SRPK2: variants seen among roughly 807,000 people sequenced by gnomAD.
SRPK2 encodes the protein SRSF protein kinase 2, also known as SFRS protein kinase 2.
In SRPK2, 21 loss-of-function variants were observed where a neutral mutation model predicts 90.8. That is an observed-to-expected ratio of 0.23 (90% CI 0.16 to 0.33). The LOEUF (loss-of-function observed/expected upper bound fraction) is 0.33, where lower values mean the gene tolerates loss of function less well. SRPK2 is among the 10% of genes least tolerant of loss of function. The pLI is 1.00. For synonymous variants in SRPK2, 288 were observed against 311.1 expected (o/e 0.93, Z 0.78); for missense variants, 620 against 869.0 (o/e 0.71, Z 3.60).
chr7:105,316,246 G>C (rs992090827), intron 2 of SRPK2, among the ~76,000 whole-genome samples: 1 of 152,084 alleles, frequency 6.6e-6, no homozygotes, highest in Admixed American at 6.6e-5. Flanking sequence ...TTACAGGCGA[G>C]AGCCACCGTG....
intron 2 of SRPK2, among the ~76,000 whole-genome samples, chr7:105,355,643 G>A (rs1469520354): frequency 1.3e-5 from 2 of 152,034 alleles, no homozygotes; most frequent in Non-Finnish European, 2.9e-5. Context: ...GAGAGAACCT[G>A]TCTCCAAGAA....
intron 2 of SRPK2, among the ~76,000 whole-genome samples, chr7:105,351,189 T>A (rs971700258): frequency 6.6e-6 from 1 of 152,038 alleles, no homozygotes; most frequent in Non-Finnish European, 1.5e-5. Context: ...AGACCTGAGC[T>A]AGCACACTCA....
chr7:105,142,016 A>G lies in SRPK2; in HGVS notation c.1535T>C (p.Leu512Ser). Residue 512 changes from leucine to serine, a missense_variant, in exon 11 of 16, where the codon TTG becomes TCG. This residue lies in a region of SRPK2 where 243 missense variants were observed against 245.7 expected (regional missense o/e 0.99). Transcript: ENST00000393651. ...RTVSASSTGD[L>S]PKAKTRAADL... Reference sequence around the variant, plus strand: ...TGGGAAGAAACACTTACCTTTTGGCAAATCCCCAGTACTGGAGGCTGAAAC... The same window carrying G: ...TGGGAAGAAACACTTACCTTTTGGCGAATCCCCAGTACTGGAGGCTGAAAC... 1 of 1,602,884 alleles carries G rather than the reference A, an allele frequency of 6.2e-7. No homozygotes were observed.
intron 7 of SRPK2, among the ~76,000 whole-genome samples, chr7:105,147,868 T>C (rs1937516558): frequency 1.3e-5 from 2 of 152,264 alleles, no homozygotes; most frequent in South Asian, 4.1e-4. Context: ...CAAACAGTAT[T>C]CCACTGTATG....
In SRPK2 at chr7:105,128,171, T is replaced by A. The variant is rs1030623262; in HGVS notation, c.1753-1109A>T. Among the ~76,000 whole-genome samples the A allele has an allele frequency of 3.3e-5, 5 of 151,670 alleles. No homozygotes were observed. In the East Asian group the frequency reaches 5.8e-4, roughly 18 times the overall value. Reference sequence around the variant, plus strand: ...CAGGACCACATCTTTTCACCTTTTTTAAAAAAAAAGACTGCCTGTCAATCA... The same window carrying A: ...CAGGACCACATCTTTTCACCTTTTTAAAAAAAAAAGACTGCCTGTCAATCA... On this transcript the variant is annotated intron_variant, in intron 13 of 15. Transcript: ENST00000393651.
In SRPK2 at chr7:105,290,265, T is replaced by TA. The variant is rs1202204258; in HGVS notation, c.72-86481dup. Among the ~76,000 whole-genome samples the TA allele has an allele frequency of 4.7e-3, 678 of 144,298 alleles. 7 individuals are homozygous for TA. The highest frequency in any genetic ancestry group is 0.014 in the African/African-American group (532 of 39,396). The allele number at this position is 144,298 out of a possible 152,430, so 94.7% of individuals were successfully genotyped here. On this transcript the variant is annotated intron_variant, in intron 2 of 15. Transcript: ENST00000393651. ...GTTGTCACAAAATTTCCATTTGTAT[T>TA]AAAAAAAAAACAGCCTGGACAACAT...
chr7:105,189,638 G>T (rs983854457), intron 3 of SRPK2: 4 of 152,408 alleles, frequency 2.6e-5, no homozygotes, highest in African/African-American at 9.6e-5. Flanking sequence ...TGGGTGGGCT[G>T]GCGGATGCCT....
intron 2 of SRPK2, among the ~76,000 whole-genome samples, chr7:105,211,241 CT>C (rs1796817511): frequency 6.6e-6 from 1 of 151,842 alleles, no homozygotes; most frequent in East Asian, 1.9e-4. Flanking sequence ...TCAAAAAGAT[CT>C]GATTTTTTTT....
chr7:105,395,428 G>T (rs1822294533), intron 1 of SRPK2, among the ~76,000 whole-genome samples: 1 of 151,630 alleles, frequency 6.6e-6, no homozygotes, highest in African/African-American at 2.4e-5. Context: ...AGGTAACACT[G>T]AATTAAAGAA....
At chr7:105,147,612 C>T (rs954754118) in intron 7 of SRPK2, among the ~76,000 whole-genome samples, 6 of 152,148 alleles carry the variant, frequency 3.9e-5, no homozygotes, top group Non-Finnish European at 7.4e-5. Context: ...CCACCACACA[C>T]GGCAACTACC....
At chr7:105,173,767 T>C (rs1236460959) in intron 3 of SRPK2, among the ~76,000 whole-genome samples, 2 of 152,190 alleles carry the variant, frequency 1.3e-5, no homozygotes, top group Admixed American at 6.5e-5. Flanking sequence ...AACACTGCTA[T>C]GGACCCTGCT....
chr7:105,171,578 C>G (rs1254429212), intron 3 of SRPK2, among the ~76,000 whole-genome samples: 2 of 152,178 alleles, frequency 1.3e-5, no homozygotes, highest in Non-Finnish European at 2.9e-5. Context: ...CCAGATCCTT[C>G]AATATATTCC....
intron 2 of SRPK2, chr7:105,244,634 C>T: frequency 2.6e-6 from 2 of 759,380 alleles, no homozygotes; most frequent in Non-Finnish European, 4.5e-6. Flanking sequence ...CCAGGGCCGC[C>T]TTTGGAGAGC....
At chr7:105,359,608 G>C (rs1818203214) in intron 2 of SRPK2, among the ~76,000 whole-genome samples, 1 of 152,164 alleles carries the variant, frequency 6.6e-6, no homozygotes, top group South Asian at 2.1e-4. Flanking sequence ...CTGCTGCTAT[G>C]TCATCTTCCT....
intron 2 of SRPK2, among the ~76,000 whole-genome samples, chr7:105,381,400 C>A (rs1820934785): frequency 6.6e-6 from 1 of 152,062 alleles, no homozygotes; most frequent in Non-Finnish European, 1.5e-5. Flanking sequence ...TATGGCGAAA[C>A]CCTGTCTCAG....
intron 2 of SRPK2, among the ~76,000 whole-genome samples, chr7:105,377,006 C>T (rs1156629532): frequency 6.6e-6 from 1 of 152,004 alleles, no homozygotes; most frequent in Non-Finnish European, 1.5e-5. Context: ...TGCAAGGTTG[C>T]TTTTATTTTA....
chr7:105,159,470 A>AAAAAAAAAAAAAAC (rs1563005939), intron 7 of SRPK2, among the ~76,000 whole-genome samples: 3 of 149,002 alleles, frequency 2.0e-5, no homozygotes, highest in Non-Finnish European at 4.5e-5. Flanking sequence ...AAAAAAAAAA[A>AAAAAAAAAAAAAAC]AAACCGTACA....
rs57925635 is a variant in SRPK2 at position 105,124,640 on chromosome 7, TAA to T, written c.1915+1606_1915+1607del. Among the ~76,000 whole-genome samples, 430 of 52,926 alleles carry T rather than the reference TAA, an allele frequency of 8.1e-3. 11 individuals are homozygous for T. Among genetic ancestry groups the T allele is most frequent in the African/African-American group, 0.014 (231 of 16,252 alleles). 34.7% of individuals were successfully genotyped at this position (52,926 alleles called of 152,430 possible). ...TGGACAACAAGAGCAAAACTCCATC[TAA>T]AAAAAAAAAAAAAAAAATCAATGTG... On this transcript the variant is annotated intron_variant, in intron 15 of 15. Transcript: ENST00000393651.
chr7:105,275,306 T>A lies in SRPK2; in HGVS notation c.72-71521A>T, dbSNP rs186050734. On this transcript the variant is annotated intron_variant, in intron 2 of 15. Coordinates refer to ENST00000393651, the MANE Select transcript of SRPK2 (RefSeq NM_182692.3). Reference sequence around the variant, plus strand: ...TTTTAAAATGCTATTTTCTTTTATCTCCAATCAATTCAAATTATCCTTATT... The same window carrying A: ...TTTTAAAATGCTATTTTCTTTTATCACCAATCAATTCAAATTATCCTTATT... Among the ~76,000 whole-genome samples the A allele has an allele frequency of 9.2e-5, 14 of 152,302 alleles. No homozygotes were observed. In the East Asian group the frequency reaches 2.7e-3, roughly 29 times the overall value.
Sources: gnomAD v4.1 joint callset for allele counts (sites outside exome capture counted in the v4.1 genomes callset) on GRCh38, gnomAD v4.1.1 for gene constraint, gnomAD v4.1.1 regional missense constraint, MANE v1.5 for transcripts, NCBI Gene and HGNC (gene_info 2026-07-23, HGNC 2026-07-21) for gene names.